The following SLC2A5 variants were observed in gnomAD, a reference collection of about 807,000 sequenced individuals.
The protein encoded by SLC2A5 is solute carrier family 2, facilitated glucose transporter member 5.
A neutral mutation model predicts 50.3 loss-of-function variants in SLC2A5; 56 were observed. The ratio of observed to expected loss-of-function variants is 1.11; its 90% confidence interval spans 0.90 to 1.39. The LOEUF is 1.39. SLC2A5 is among the 40% of genes most tolerant of loss of function. The pLI is 0.00. For synonymous variants in SLC2A5, 269 were observed against 281.9 expected (o/e 0.95, Z 0.46); for missense variants, 566 against 650.1 (o/e 0.87, Z 1.41).
intron 2 of SLC2A5, among the ~76,000 whole-genome samples, chr1:9,078,782 T>A (rs1354531294): frequency 1.3e-5 from 2 of 152,116 alleles, no homozygotes; most frequent in Non-Finnish European, 2.9e-5. Context: ...GGGAAGTGAC[T>A]CAAGTTCCCA....
upstream of SLC2A5, among the ~76,000 whole-genome samples, chr1:9,070,515 T>C (rs1196304647): frequency 6.6e-6 from 1 of 152,078 alleles, no homozygotes; most frequent in African/African-American, 2.4e-5. Flanking sequence ...CACCTGCTGG[T>C]CCGGGTCCGG....
chr1:9,038,141 G>A (rs1320734561), intron 10 of SLC2A5, 117 bp from the exon 11 acceptor site: 5 of 1,218,784 alleles, frequency 4.1e-6, no homozygotes, highest in South Asian at 1.5e-5. Flanking sequence ...CAGGACTCTT[G>A]GGCATGTGGG....
upstream of SLC2A5, among the ~76,000 whole-genome samples, chr1:9,071,138 G>A (rs1304007955): frequency 3.3e-5 from 5 of 152,262 alleles, no homozygotes; most frequent in South Asian, 2.1e-4. Context: ...GGCCGGGCGC[G>A]GTGGCTCACG....
At chr1:9,080,390 C>T (rs899347012) in intron 2 of SLC2A5, among the ~76,000 whole-genome samples, 5 of 152,178 alleles carry the variant, frequency 3.3e-5, no homozygotes, top group Admixed American at 1.3e-4. Context: ...AATTACCGTT[C>T]TGTTTTCCAC....
intron 3 of SLC2A5, among the ~76,000 whole-genome samples, chr1:9,050,132 C>A (rs1256598888): frequency 6.6e-6 from 1 of 151,990 alleles, no homozygotes; most frequent in Non-Finnish European, 1.5e-5. Flanking sequence ...AAAAAATTAG[C>A]CGGGTATGGT....
upstream of SLC2A5, among the ~76,000 whole-genome samples, chr1:9,070,116 C>T (rs1488996427): frequency 9.1e-6 from 1 of 110,224 alleles, no homozygotes; most frequent in African/African-American, 3.7e-5. Context: ...GAGTTTCGCT[C>T]TTGTCCCAGG....
Position 9,037,364 on chromosome 1 carries a change from G to A in SLC2A5, c.*222C>T, listed in dbSNP as rs1569828925. The stretch of plus-strand genomic sequence containing the variant: ...GGAGGACCAGCTGTTTAATTGACTC[G>A]GGTCTGGTGACAGGCCAACATGGAG... On this transcript the variant is annotated 3_prime_UTR_variant, in exon 12 of 12. Coordinates refer to ENST00000377424, the MANE Select transcript of SLC2A5 (RefSeq NM_003039.3). The A allele has an allele frequency of 1.3e-5, 7 of 531,316 alleles. No individual in the cohort carries two copies. The highest frequency in any genetic ancestry group is 6.5e-5 in the East Asian group (2 of 30,576). The allele number at this position is 531,316 out of a possible 1,614,324, so 32.9% of individuals were successfully genotyped here.
upstream of SLC2A5, chr1:9,088,502 A>G (rs12737731): frequency 0.18 from 27,881 of 152,144 alleles, 2,919 homozygotes; most frequent in East Asian, 0.46. Context: ...AACTACTTCA[A>G]CTGGGTGCAG....
At chr1:9,051,930 A>G (rs1641587876) in intron 3 of SLC2A5, among the ~76,000 whole-genome samples, 1 of 152,218 alleles carries the variant, frequency 6.6e-6, no homozygotes, top group African/African-American at 2.4e-5. Flanking sequence ...TGGTACAACC[A>G]GACAATGAAA....
At chr1:9,075,581 A>C (rs1642273528) in intron 2 of SLC2A5, among the ~76,000 whole-genome samples, 1 of 152,174 alleles carries the variant, frequency 6.6e-6, no homozygotes, top group Non-Finnish European at 1.5e-5. Flanking sequence ...CTTAAACTAA[A>C]TGGTGGAGTT....
In SLC2A5 at chr1:9,057,427, T is replaced by A. The variant is rs1557673351; in HGVS notation, c.293+21A>T. On this transcript the variant is annotated intron_variant, in intron 3 of 11. Transcript: ENST00000377424. ...TGGGGGTCTATGAGTTTCAGGGAATTAAAAATTCACCTTCCCTTACCTGCC... is the reference window on the plus strand; with the variant it reads ...TGGGGGTCTATGAGTTTCAGGGAATAAAAAATTCACCTTCCCTTACCTGCC... 1.9e-6 allele frequency: 3 copies of A among 1,590,868 alleles called. No individual in the cohort carries two copies. In the East Asian group the frequency reaches 6.7e-5, roughly 36 times the overall value.
chr1:9,058,507 A>G (rs1325991326), intron 1 of SLC2A5, among the ~76,000 whole-genome samples: 1 of 152,216 alleles, frequency 6.6e-6, no homozygotes, highest in African/African-American at 2.4e-5. Context: ...CATCCTGTGA[A>G]CATGGTGCCA....
chr1:9,079,441 G>A (rs568514635), intron 2 of SLC2A5, among the ~76,000 whole-genome samples: 10 of 152,068 alleles, frequency 6.6e-5, no homozygotes, highest in South Asian at 2.1e-4. Flanking sequence ...GGCTTCTGTC[G>A]GTTACACATT....
chr1:9,043,684 C>CA (rs1375206870), intron 4 of SLC2A5, among the ~76,000 whole-genome samples: 1 of 151,304 alleles, frequency 6.6e-6, no homozygotes, highest in Non-Finnish European at 1.5e-5. Flanking sequence ...TAGGACCTCC[C>CA]AGCCAGCCAG....
At chr1:9,079,492 C>A (rs546008131) in intron 2 of SLC2A5, among the ~76,000 whole-genome samples, 1 of 152,164 alleles carries the variant, frequency 6.6e-6, no homozygotes, top group East Asian at 1.9e-4. Context: ...TGATTTATTT[C>A]TTTATTTTGT....
At chr1:9,087,267 C>T (rs1480610750) in intron 1 of SLC2A5, among the ~76,000 whole-genome samples, 3 of 150,178 alleles carry the variant, frequency 2.0e-5, no homozygotes, top group Non-Finnish European at 4.4e-5. Flanking sequence ...TGCAGTGGTG[C>T]AATCTTGGCT....
chr1:9,057,675 G>A (rs917455804), intron 2 of SLC2A5, 67 bp from the exon 3 acceptor site: 5 of 1,396,512 alleles, frequency 3.6e-6, no homozygotes, highest in Admixed American at 1.8e-5. Flanking sequence ...AACATTAGCT[G>A]TTAGGACACC....
intron 3 of SLC2A5, among the ~76,000 whole-genome samples, chr1:9,053,076 T>TATTAATATATAATATATATTATATATTTA (rs1641622777): frequency 1.8e-5 from 2 of 108,784 alleles, no homozygotes; most frequent in African/African-American, 8.8e-5. Context: ...TATATATTTA[T>TATTAATATATAATATATATTATATATTTA]ATATTAATAT....
intron 1 of SLC2A5, among the ~76,000 whole-genome samples, chr1:9,060,463 C>T (rs1356831348): frequency 2.0e-5 from 3 of 147,630 alleles, no homozygotes; most frequent in Admixed American, 2.0e-4. Context: ...CCACACACAC[C>T]CCACACATAC....
Sources: allele counts gnomAD v4.1 joint callset (sites outside exome capture counted in the v4.1 genomes callset), GRCh38; gene constraint gnomAD v4.1.1; transcripts MANE v1.5; gene names NCBI Gene and HGNC (gene_info 2026-07-23, HGNC 2026-07-21).